Variants in MYO1A observed in about 807,000 individuals in gnomAD.
MYO1A encodes myosin IA.
Under a neutral mutation model 138.5 loss-of-function variants are expected in MYO1A, and 127 were observed. That is an observed-to-expected ratio of 0.92 (90% CI 0.79 to 1.06). The LOEUF is 1.06. Ranked by LOEUF, MYO1A falls within the 50% of genes least tolerant of loss-of-function variation. The pLI is 0.00. For missense variants in MYO1A, 1,211 were observed against 1,288.8 expected, an observed-to-expected ratio of 0.94 and a Z score of 0.92; for synonymous variants, 477 against 497.5, an observed-to-expected ratio of 0.96 and a Z score of 0.55.
At chr12:57,042,773 G>C (rs774681007) in intron 12 of MYO1A, among the ~76,000 whole-genome samples, 1 of 152,106 alleles carries the variant, frequency 6.6e-6, no homozygotes, top group African/African-American at 2.4e-5. Context: ...GTGTTTCTTA[G>C]TGGGCATTTC....
upstream of MYO1A, among the ~76,000 whole-genome samples, chr12:57,050,330 CT>C (rs938558722): frequency 3.9e-5 from 6 of 152,194 alleles, no homozygotes; most frequent in South Asian, 2.1e-4. Context: ...GAAATGAAAG[CT>C]GGAAGAATGG....
chr12:57,028,592 G>T lies in MYO1A; in HGVS notation c.*163C>A. 1 of 923,384 alleles carries T rather than the reference G, an allele frequency of 1.1e-6. No individual in the cohort carries two copies. Among genetic ancestry groups the T allele is most frequent in the Non-Finnish European group, 1.6e-6 (1 of 618,492 alleles). 57.2% of individuals were successfully genotyped at this position (923,384 alleles called of 1,614,324 possible). ...TGGAGGAAGCTACTTTTGGAGGAGA[G>T]AACAAGAAGGGTTTGGGACAAGGGT... On this transcript the variant is annotated 3_prime_UTR_variant, in exon 28 of 28. Transcript: ENST00000300119.
rs121909305 is a variant in MYO1A at position 57,047,675 on chromosome 12, G to T, written c.277C>A (p.Arg93=). ...VAYQSLRDRD[R]DQCILITGES... ...CCTGTGATGAGGATACACTGGTCTC[G>T]GTCCCTGTCCCTCAGTGACTGGTAC... The change falls in exon 4 of 28, where the codon CGA becomes AGA. Residue 93 remains arginine, a synonymous_variant. Transcript: ENST00000300119. 6.2e-7 allele frequency: 1 copy of T among 1,614,192 alleles called. No individual in the cohort carries two copies. The highest frequency in any genetic ancestry group is 8.5e-7 in the Non-Finnish European group (1 of 1,180,048).
intron 22 of MYO1A, 45 bp from the exon 23 acceptor site, chr12:57,031,219 C>G (rs917460555): frequency 3.1e-6 from 5 of 1,612,968 alleles, no homozygotes; most frequent in Non-Finnish European, 2.5e-6. Context: ...ATAAGAAACA[C>G]TTCCTGACAG....
chr12:57,046,570 C>T lies in MYO1A; in HGVS notation c.622G>A (p.Ala208Thr), dbSNP rs1446646365. 2 of 1,613,948 alleles carry T rather than the reference C, an allele frequency of 1.2e-6. No homozygotes were observed. Among genetic ancestry groups the T allele is most frequent in the Admixed American group, 1.7e-5 (1 of 60,018 alleles). The change falls in exon 8 of 28, where the codon GCA becomes ACA. Residue 208 changes from alanine to threonine, a missense_variant. Ala to Thr is a moderately conservative substitution (Grantham distance 58). Transcript: ENST00000300119. ...FHIFYQLLAG[A>T]DEQLLKALKL... Reference sequence around the variant, plus strand: ...CACATACTCAGCAGCTGTTCATCTGCTCCAGCCAGCAGCTGATAGAAGATG... The same window carrying T: ...CACATACTCAGCAGCTGTTCATCTGTTCCAGCCAGCAGCTGATAGAAGATG...
intron 10 of MYO1A, 27 bp from the exon 11 acceptor site, chr12:57,043,385 T>A (rs185072197): frequency 1.2e-6 from 2 of 1,602,810 alleles, no homozygotes; most frequent in African/African-American, 1.3e-5. Flanking sequence ...GTACAGCATG[T>A]CCTTAGAGGC....
chr12:57,041,480 CT>C lies in MYO1A; in HGVS notation c.1115del (p.Lys372ArgfsTer4). 6.2e-7 allele frequency: 1 copy of C among 1,613,776 alleles called. No individual in the cohort carries two copies. The highest frequency in any genetic ancestry group is 1.1e-5 in the South Asian group (1 of 91,066). On this transcript the variant is annotated frameshift_variant, in exon 13 of 28. Transcript: ENST00000300119. LOFTEE classifies it high-confidence loss of function. Reference protein sequence around the residue: ...NESIKVGIGEKKKVMGVLDIY... With the variant: ...NESIKVGIGEXKKVMGVLDIY... ...TATCAAGGACTCCCATTACCTTCTT[CT>C]TTTCCCCGATGCCCACCTGAAGAGG...
At chr12:57,046,387 G>A (rs1445924406) in intron 8 of MYO1A, among the ~76,000 whole-genome samples, 165 bp downstream of exon 8, 2 of 152,150 alleles carry the variant, frequency 1.3e-5, no homozygotes. Context: ...TCCCAACAAT[G>A]AGTGGGTGAG....
rs80095035 is a variant in MYO1A, at chr12:57,031,002, A to C, written c.2484+38T>G. On this transcript the variant is annotated intron_variant, in intron 23 of 27. Transcript: ENST00000300119. ...GGAAAATCAGGGGGAGGGAAAAAAA[A>C]GACGAAATGAGAGGAGGGGTGCCTG... is the stretch of plus-strand genomic sequence containing the variant. The C allele has an allele frequency of 3.1e-6, 5 of 1,607,022 alleles. No individual in the cohort carries two copies. In the South Asian group the frequency reaches 5.5e-5, roughly 18 times the overall value.
intron 8 of MYO1A, among the ~76,000 whole-genome samples, chr12:57,046,319 A>T (rs142333622): frequency 6.6e-6 from 1 of 152,338 alleles, no homozygotes; most frequent in African/African-American, 2.4e-5. Context: ...GCAAGAAGGC[A>T]TATCCCTGGC....
intron 22 of MYO1A, among the ~76,000 whole-genome samples, chr12:57,035,645 G>A (rs949765952): frequency 6.6e-6 from 1 of 152,042 alleles, no homozygotes; most frequent in African/African-American, 2.4e-5. Flanking sequence ...TCCCTCCCTG[G>A]TTTCCTCCCT....
intron 17 of MYO1A, 91 bp from the exon 18 acceptor site, chr12:57,038,160 C>G: frequency 6.8e-7 from 1 of 1,465,748 alleles, no homozygotes. Context: ...ACACGGTGCA[C>G]TTCACTGAAA....
At chr12:57,039,678 T>C (rs2030770069) in intron 14 of MYO1A, among the ~76,000 whole-genome samples, 1 of 152,208 alleles carries the variant, frequency 6.6e-6, no homozygotes, top group Non-Finnish European at 1.5e-5. Context: ...TGAGAGTTTA[T>C]CATCAAACAA....
intron 8 of MYO1A, among the ~76,000 whole-genome samples, chr12:57,044,775 A>G (rs1032897511): frequency 6.6e-6 from 1 of 152,128 alleles, no homozygotes; most frequent in Non-Finnish European, 1.5e-5. Flanking sequence ...TATGAAACAA[A>G]ACCCTCATTT....
In MYO1A at chr12:57,036,342, C is replaced by A. The variant is rs773154255; in HGVS notation, c.2314G>T (p.Ala772Ser). 1 of 1,613,884 alleles carries A rather than the reference C, an allele frequency of 6.2e-7. No homozygotes were observed. ...TAGATGAAATCTGCCAAGGTGAGGGCAGCCTCTGACCGGAAATATTTGCGA... is the reference window on the plus strand; with the variant it reads ...TAGATGAAATCTGCCAAGGTGAGGGAAGCCTCTGACCGGAAATATTTGCGA... ...NYRKYFRSEA[A>S]LTLADFIYKS... Residue 772 changes from alanine (A) to serine (S), a missense_variant, in exon 22 of 28, where the codon GCC becomes TCC. Physicochemically the swap from Ala to Ser is moderately conservative, Grantham distance 99 (BLOSUM62 1). Coordinates refer to ENST00000300119, the MANE Select transcript of MYO1A (RefSeq NM_005379.4).
At chr12:57,045,360 C>A (rs996527665) in intron 8 of MYO1A, among the ~76,000 whole-genome samples, 23 of 152,014 alleles carry the variant, frequency 1.5e-4, no homozygotes, top group African/African-American at 5.6e-4. Context: ...AGTCTAATGG[C>A]AGCTCCCCCA....
Position 57,043,169 on chromosome 12 carries a change from G to T in MYO1A, c.1012-11C>A, listed in dbSNP as rs1212496445. ...CCGAGCATACTGAGCCTGTGGGTGA[G>T]GCACAGCTGATTAGGGTGGCATCAC... On this transcript the variant is annotated splice_polypyrimidine_tract_variant and intron_variant, in intron 11 of 27. Transcript: ENST00000300119. 1 of 1,614,048 alleles carries T rather than the reference G, an allele frequency of 6.2e-7. No individual in the cohort carries two copies. Among genetic ancestry groups the T allele is most frequent in the Non-Finnish European group, 8.5e-7 (1 of 1,180,024 alleles).
At chr12:57,033,785 T>C (rs534318071) in intron 22 of MYO1A, among the ~76,000 whole-genome samples, 1 of 152,322 alleles carries the variant, frequency 6.6e-6, no homozygotes, top group Admixed American at 6.5e-5. Context: ...AAAGTTTTAC[T>C]AAGATATCAG....
intron 22 of MYO1A, among the ~76,000 whole-genome samples, chr12:57,033,096 A>G (rs1244251568): frequency 2.0e-5 from 3 of 152,140 alleles, no homozygotes; most frequent in African/African-American, 7.2e-5. Flanking sequence ...ATGACATTTT[A>G]CCCTAAAATG....
Sources: allele counts gnomAD v4.1 joint callset (sites outside exome capture counted in the v4.1 genomes callset), GRCh38; gene constraint gnomAD v4.1.1; transcripts MANE v1.5; gene names NCBI Gene and HGNC (gene_info 2026-07-23, HGNC 2026-07-21).